CSMD1: variants seen among roughly 807,000 people sequenced by gnomAD.
CSMD1 encodes the protein CUB and Sushi multiple domains 1.
Under a neutral mutation model 417.5 loss-of-function variants are expected in CSMD1, and 213 were observed. That is an observed-to-expected ratio of 0.51 (90% CI 0.46 to 0.57). CSMD1 has a LOEUF of 0.57. Ranked by LOEUF, CSMD1 falls within the 20% of genes least tolerant of loss-of-function variation. The pLI is 0.00. For synonymous variants in CSMD1, 2,862 were observed against 1,736.8 expected (o/e 1.65, Z -16.11); for missense variants, 6,923 against 4,529.7 (o/e 1.53, Z -15.17).
chr8:4,495,446 G>A (rs527538323), intron 2 of CSMD1, among the ~76,000 whole-genome samples: 4 of 151,986 alleles, frequency 2.6e-5, no homozygotes, highest in Non-Finnish European at 5.9e-5. Context: ...CTGGTGACGT[G>A]TGCCTGTAAT....
chr8:3,396,230 T>C lies in CSMD1; in HGVS notation c.2557A>G (p.Ser853Gly), dbSNP rs748674262. 1 of 1,572,204 alleles carries C rather than the reference T, an allele frequency of 6.4e-7. No individual in the cohort carries two copies. The highest frequency in any genetic ancestry group is 1.2e-5 in the South Asian group (1 of 85,486). ...FMYLLFTTDN[S>G]RSSIGFLIHY... is the part of the protein sequence containing the mutation. ...ATGAGGAAGCCGATGCTGGAGCGGC[T>C]GTTGTCAGTGGTGAACAGCAGGTAC... Residue 853 changes from serine (S) to glycine (G), a missense_variant, in exon 17 of 70, where the codon AGC becomes GGC. By Grantham distance (56) the Ser-to-Gly change is moderately conservative (BLOSUM62 0). Transcript: ENST00000635120.
chr8:4,199,352 C>G (rs1055865345), intron 3 of CSMD1, among the ~76,000 whole-genome samples: 2 of 152,108 alleles, frequency 1.3e-5, no homozygotes, highest in African/African-American at 2.4e-5. Flanking sequence ...ACCTCTAAAG[C>G]ACATAGATGC....
intron 50 of CSMD1, among the ~76,000 whole-genome samples, chr8:3,049,548 A>G (rs768176424): frequency 6.6e-6 from 1 of 152,104 alleles, no homozygotes; most frequent in Non-Finnish European, 1.5e-5. Flanking sequence ...TGGAGATGAA[A>G]GATCAAGGTC....
rs750087468 is a variant in CSMD1, at chr8:4,593,724, T to G, written c.302+43618A>C. On this transcript the variant is annotated intron_variant, in intron 2 of 69. Coordinates refer to ENST00000635120, the MANE Select transcript of CSMD1 (RefSeq NM_033225.6). ...CCAATTGTATACCAGATCTCTTAAT[T>G]TTTCCAACAATTCCTAGCTATATGC... 8.8e-4 allele frequency among the ~76,000 whole-genome samples: 134 copies of G among 152,184 alleles called. 1 individual carries two copies. Among genetic ancestry groups the G allele is most frequent in the Admixed American group, 2.6e-4 (4 of 15,282 alleles).
intron 2 of CSMD1, among the ~76,000 whole-genome samples, chr8:4,465,876 G>C (rs1327747243): frequency 6.6e-6 from 1 of 152,124 alleles, no homozygotes; most frequent in Non-Finnish European, 1.5e-5. Context: ...ATTGTATCTG[G>C]AAGTGGCTGA....
chr8:4,663,636 C>T (rs1489281238), intron 1 of CSMD1, among the ~76,000 whole-genome samples: 1 of 152,182 alleles, frequency 6.6e-6, no homozygotes, highest in Non-Finnish European at 1.5e-5. Context: ...CTTTCCCTTC[C>T]ACTATGATTG....
intron 3 of CSMD1, among the ~76,000 whole-genome samples, chr8:4,389,927 G>T (rs1381294444): frequency 2.6e-5 from 4 of 152,128 alleles, no homozygotes; most frequent in African/African-American, 7.2e-5. Context: ...ATTCTAGGAT[G>T]AATAGCTCTG....
chr8:4,427,751 A>G (rs1797645820), intron 2 of CSMD1, among the ~76,000 whole-genome samples: 1 of 152,188 alleles, frequency 6.6e-6, no homozygotes, highest in East Asian at 1.9e-4. Flanking sequence ...AAAGTATATA[A>G]ATCTCTCAAT....
intron 4 of CSMD1, among the ~76,000 whole-genome samples, chr8:4,013,492 A>G (rs1231361826): frequency 6.6e-6 from 1 of 152,166 alleles, no homozygotes; most frequent in East Asian, 1.9e-4. Flanking sequence ...AGACCAGGAG[A>G]GTCCTGTCCA....
At chr8:4,289,863 T>A (rs1343585391) in intron 3 of CSMD1, among the ~76,000 whole-genome samples, 1 of 152,198 alleles carries the variant, frequency 6.6e-6, no homozygotes, top group African/African-American at 2.4e-5. Flanking sequence ...CAAAGTGTAT[T>A]TGCTACAAAC....
chr8:4,163,210 T>G (rs1440140390), intron 3 of CSMD1, among the ~76,000 whole-genome samples: 2 of 152,178 alleles, frequency 1.3e-5, no homozygotes, highest in East Asian at 3.9e-4. Flanking sequence ...GGCAGGTTTT[T>G]CAGTACACGT....
chr8:3,946,811 C>G (rs1165129401), intron 5 of CSMD1, among the ~76,000 whole-genome samples: 7 of 152,036 alleles, frequency 4.6e-5, no homozygotes, highest in South Asian at 2.1e-4. Context: ...CTAAATCTGT[C>G]ATATTTTAAT....
chr8:4,939,510 A>T (rs1194265663), intron 1 of CSMD1, among the ~76,000 whole-genome samples: 1 of 152,254 alleles, frequency 6.6e-6, no homozygotes, highest in Non-Finnish European at 1.5e-5. Context: ...TATGAATGAA[A>T]CAGACATCAC....
chr8:4,539,491 TC>T (rs1797275152), intron 2 of CSMD1, among the ~76,000 whole-genome samples: 1 of 152,100 alleles, frequency 6.6e-6, no homozygotes, highest in South Asian at 2.1e-4. Flanking sequence ...CAAATATCTT[TC>T]CCCCAAAATC....
At chr8:3,450,125 A>T (rs1815600805) in intron 12 of CSMD1, among the ~76,000 whole-genome samples, 1 of 152,174 alleles carries the variant, frequency 6.6e-6, no homozygotes, top group African/African-American at 2.4e-5. Flanking sequence ...TGTCCTGCAC[A>T]TCAGGATTTG....
intron 5 of CSMD1, among the ~76,000 whole-genome samples, chr8:3,865,742 T>C (rs968500774): frequency 6.6e-6 from 1 of 152,206 alleles, no homozygotes; most frequent in African/African-American, 2.4e-5. Context: ...GCTTACATGC[T>C]AATGGAGTAA....
intron 46 of CSMD1, among the ~76,000 whole-genome samples, chr8:3,100,214 GCT>G (rs1235679032): frequency 6.6e-6 from 1 of 152,020 alleles, no homozygotes; most frequent in African/African-American, 2.4e-5. Flanking sequence ...ACCCCTCCTG[GCT>G]AATTTTTGTA....
chr8:4,442,896 G>T (rs1251456411), intron 2 of CSMD1, among the ~76,000 whole-genome samples: 3 of 152,150 alleles, frequency 2.0e-5, no homozygotes, highest in Non-Finnish European at 4.4e-5. Context: ...ACAGTGAACA[G>T]ATGTTTATGT....
At chr8:4,498,547 G>A (rs542400794) in intron 2 of CSMD1, among the ~76,000 whole-genome samples, 1 of 152,132 alleles carries the variant, frequency 6.6e-6, no homozygotes, top group Non-Finnish European at 1.5e-5. Context: ...AGGAGAAAAT[G>A]TCCAGACTCG....
Sources: allele counts gnomAD v4.1 joint callset (sites outside exome capture counted in the v4.1 genomes callset), GRCh38; gene constraint gnomAD v4.1.1; transcripts MANE v1.5; gene names NCBI Gene and HGNC (gene_info 2026-07-23, HGNC 2026-07-21).